The following KRT6B variants were observed in gnomAD, a reference collection of about 807,000 sequenced individuals.
KRT6B encodes the protein keratin, type II cytoskeletal 6B.
KRT6B carries 29 observed loss-of-function variants against 44.7 expected under a neutral mutation model. The ratio of observed to expected loss-of-function variants is 0.65; its 90% confidence interval spans 0.48 to 0.88. The LOEUF (loss-of-function observed/expected upper bound fraction) is 0.88. Ranked by LOEUF, KRT6B falls within the 40% of genes least tolerant of loss-of-function variation. The pLI, the probability that KRT6B is intolerant of heterozygous loss-of-function variation, is 0.00. For synonymous variants in KRT6B, 213 were observed against 296.0 expected (o/e 0.72, Z 2.88); for missense variants, 600 against 724.0 (o/e 0.83, Z 1.97).
In KRT6B at chr12:52,447,374, C is replaced by A. The variant is rs1365961232; in HGVS notation, c.1511G>T (p.Gly504Val). The change falls in exon 9 of 9, where the codon GGC becomes GTC. Residue 504 changes from glycine (G) to valine (V), a missense_variant. Coordinates refer to ENST00000252252, the MANE Select transcript of KRT6B (RefSeq NM_005555.4). The stretch of plus-strand genomic sequence containing the variant: ...TCCTCCACCCAGGCCTAAGCCACTG[C>A]CGACACCGCTGGCACCGCCATAGCC... ...SSGYGGASGV[G>V]SGLGLGGGSS... 1.2e-6 allele frequency: 2 copies of A among 1,614,024 alleles called. No individual in the cohort carries two copies. Among genetic ancestry groups the A allele is most frequent in the Non-Finnish European group, 8.5e-7 (1 of 1,179,886 alleles).
At chr12:52,447,474 C>A (rs1460465574) in intron 8 of KRT6B, 49 bp from the exon 9 acceptor site, 6 of 1,613,926 alleles carry the variant, frequency 3.7e-6, no homozygotes, top group Non-Finnish European at 5.1e-6. Flanking sequence ...TGAGTTCATC[C>A]TGCCGGCCTG....
intron 2 of KRT6B, 100 bp from the exon 3 acceptor site, chr12:52,450,172 A>G (rs1192826943): frequency 6.2e-7 from 1 of 1,606,420 alleles, no homozygotes; most frequent in Non-Finnish European, 8.5e-7. Context: ...ATATATTCTA[A>G]TTGAGCTTTC....
At position 52,447,717 on chromosome 12, in the gene KRT6B, C is replaced by T. The variant is rs1171602587; in HGVS notation, c.1424+61G>A. ...TTGGGCAGTGCACCTTAAAGTTGTG[C>T]TCAGTGCCAGAACCTTGAAGATGGA... On this transcript the variant is annotated intron_variant, in intron 7 of 8. Transcript: ENST00000252252. 5.0e-6 allele frequency: 8 copies of T among 1,614,018 alleles called. No individual in the cohort carries two copies. The African/African-American group carries it at 8.0e-5, about 16-fold the overall frequency.
intron 1 of KRT6B, 57 bp downstream of exon 1, chr12:52,451,482 T>C: frequency 6.2e-7 from 1 of 1,613,240 alleles, no homozygotes; most frequent in Non-Finnish European, 8.5e-7. Context: ...AGGAAGGTGT[T>C]GCTCTTCTGG....
intron 2 of KRT6B, 48 bp downstream of exon 2, chr12:52,450,358 G>A (rs765387242): frequency 5.0e-6 from 8 of 1,598,644 alleles, no homozygotes; most frequent in Non-Finnish European, 6.9e-6. Flanking sequence ...TCTGGCCCTG[G>A]TCACCCAATA....
At chr12:52,448,630 G>T (rs1197581745) in intron 6 of KRT6B, among the ~76,000 whole-genome samples, 1 of 152,124 alleles carries the variant, frequency 6.6e-6, no homozygotes, top group Non-Finnish European at 1.5e-5. Context: ...TTGACCAGCT[G>T]AGAGTGCTTC....
Position 52,448,936 on chromosome 12 carries a change from T to G in KRT6B, c.1109A>C (p.His370Pro), listed in dbSNP as rs748925772. 1.2e-6 allele frequency: 2 copies of G among 1,613,734 alleles called. No individual in the cohort carries two copies. The highest frequency in any genetic ancestry group is 1.1e-5 in the South Asian group (1 of 91,028). ...CTTGGTGTTGCGCAGGTCGTCCCCA[T>G]GTCTGCCTGCTGTGATCTGCAGCTC... ...YEELQITAGR[H>P]GDDLRNTKQE... is the part of the protein sequence containing the mutation. The change falls in exon 6 of 9, where the codon CAT (histidine) becomes CCT (proline). Residue 370 changes from histidine (H) to proline (P), a missense_variant. By Grantham distance (77) the His-to-Pro change is moderately conservative. This residue lies in a region of KRT6B where 479 missense variants were observed against 454.2 expected (regional missense o/e 1.05). Coordinates refer to ENST00000252252, the MANE Select transcript of KRT6B (RefSeq NM_005555.4).
At position 52,451,974 on chromosome 12, in the gene KRT6B, G is replaced by T. The variant is rs769979285; in HGVS notation, c.105C>A (p.Ser35Arg). The change falls in exon 1 of 9, where the codon AGC becomes AGA. Residue 35 changes from serine (S) to arginine (R), a missense_variant. Physicochemically the swap from Ser to Arg is moderately radical, Grantham distance 110. This residue lies in a region of KRT6B where 78 missense variants were observed against 97.5 expected (regional missense o/e 0.80). Transcript: ENST00000252252. ...LPGVSRSGFS[S>R]ISVSRSRGSG... The stretch of plus-strand genomic sequence containing the variant: ...TGCCCCTGGAGCGGGACACGGAGAT[G>T]CTGCTGAAGCCAGAGCGGCTGACCC... 4 of 1,613,712 alleles carry T rather than the reference G, an allele frequency of 2.5e-6. No individual in the cohort carries two copies. The highest frequency in any genetic ancestry group is 3.3e-5 in the Admixed American group (2 of 60,034).
In KRT6B at chr12:52,449,765, T is replaced by A; in HGVS notation, c.905A>T (p.Tyr302Phe). 6.2e-7 allele frequency: 1 copy of A among 1,614,032 alleles called. No homozygotes were observed. Among genetic ancestry groups the A allele is most frequent in the Non-Finnish European group, 8.5e-7 (1 of 1,179,916 alleles). The change falls in exon 4 of 9, where the codon TAT (tyrosine) becomes TTT (phenylalanine). Residue 302 changes from tyrosine to phenylalanine, a missense_variant. Physicochemically the swap from Tyr to Phe is conservative, Grantham distance 22. Around this residue, in one of 4 missense-constraint regions of KRT6B, gnomAD observed 479 missense variants for 454.2 expected, o/e 1.05. Coordinates refer to ENST00000252252, the MANE Select transcript of KRT6B (RefSeq NM_005555.4). ...GATGGTGGAGTTGCTTACTGCATCA[T>A]ACAAGGCTCTCAGGAAGTTGATCTC... ...TDEINFLRAL[Y>F]DAELSQMQTH... is the part of the protein sequence containing the mutation.
At chr12:52,449,970 C>G (rs1940371957) in intron 3 of KRT6B, 42 bp downstream of exon 3, 3 of 1,613,926 alleles carry the variant, frequency 1.9e-6, no homozygotes, top group Admixed American at 1.7e-5. Flanking sequence ...AGCCACTTCT[C>G]TCCTTCTAAA....
In KRT6B at chr12:52,450,484, T is replaced by C. The variant is rs1592170555; in HGVS notation, c.677A>G (p.Asp226Gly). 4 of 1,614,244 alleles carry C rather than the reference T, an allele frequency of 2.5e-6. No homozygotes were observed. The highest frequency in any genetic ancestry group is 1.7e-6 in the Non-Finnish European group (2 of 1,180,044). The stretch of plus-strand genomic sequence containing the variant: ...ACGACCCCGTTCCCCCACGATGTTG[T>C]CCAGCTGCCTCCTGAGGTTGTTGAT... ...QYINNLRRQL[D>G]NIVGERGRLD... The change falls in exon 2 of 9, where the codon GAC becomes GGC. Residue 226 changes from aspartate (D) to glycine (G), a missense_variant. Asp to Gly is a moderately conservative substitution (Grantham distance 94, BLOSUM62 -1). Around this residue, in one of 4 missense-constraint regions of KRT6B, gnomAD observed 479 missense variants for 454.2 expected, o/e 1.05. Transcript: ENST00000252252.
chr12:52,449,596 G>T lies in KRT6B; in HGVS notation c.950C>A (p.Ser317Tyr), dbSNP rs1940365174. Reference protein sequence around the residue: ...SQMQTHISDTSVVLSMDNNRN... With the variant: ...SQMQTHISDTYVVLSMDNNRN... ...GTTGTTGTCCATGGATAGCACCACGGATGTGTCTGAGATGTGGGTCTGCAT... is the reference window on the plus strand; with the variant it reads ...GTTGTTGTCCATGGATAGCACCACGTATGTGTCTGAGATGTGGGTCTGCAT... Residue 317 changes from serine (S) to tyrosine (Y), a missense_variant, in exon 5 of 9, where the codon TCC becomes TAC. This residue lies in a region of KRT6B where 479 missense variants were observed against 454.2 expected (regional missense o/e 1.05). Coordinates refer to ENST00000252252, the MANE Select transcript of KRT6B (RefSeq NM_005555.4). 3 of 1,614,216 alleles carry T rather than the reference G, an allele frequency of 1.9e-6. No homozygotes were observed. Among genetic ancestry groups the T allele is most frequent in the Non-Finnish European group, 2.5e-6 (3 of 1,180,040 alleles).
At chr12:52,450,667 G>C in intron 1 of KRT6B, 47 bp from the exon 2 acceptor site, 3 of 1,613,840 alleles carry the variant, frequency 1.9e-6, no homozygotes, top group Non-Finnish European at 2.5e-6. Context: ...GGAAGGCAGA[G>C]AAAGTGTCTG....
chr12:52,450,741 G>C (rs1940390735), intron 1 of KRT6B, 121 bp from the exon 2 acceptor site: 12 of 1,465,918 alleles, frequency 8.2e-6, no homozygotes, highest in Admixed American at 3.8e-5. Context: ...TGCATGTAGA[G>C]AGGCTCAGGC....
At position 52,446,980 on chromosome 12, in the gene KRT6B, A is replaced by T. The variant is rs1346595352; in HGVS notation, c.*210T>A. 2 of 621,688 alleles carry T rather than the reference A, an allele frequency of 3.2e-6. No homozygotes were observed. The highest frequency in any genetic ancestry group is 5.6e-6 in the Non-Finnish European group (2 of 355,402). 38.5% of individuals were successfully genotyped at this position (621,688 alleles called of 1,614,324 possible). On this transcript the variant is annotated 3_prime_UTR_variant, in exon 9 of 9. Coordinates refer to ENST00000252252, the MANE Select transcript of KRT6B (RefSeq NM_005555.4). ...TACGGGAACTAAAAAGGACATTCGC[A>T]TGTCTGAGTGCTGATAACTGTTGAC... is the stretch of plus-strand genomic sequence containing the variant.
rs867923192 is a variant in KRT6B, at chr12:52,447,412, G to A, written c.1473C>T (p.Ser491=). ...VGQVNISVVQ[S]TVSSGYGGAS... ...CACCGCCATAGCCACTGGAGACGGTGGACTGCACTACAGCTGTGGTGGGGA... is the reference window on the plus strand; with the variant it reads ...CACCGCCATAGCCACTGGAGACGGTAGACTGCACTACAGCTGTGGTGGGGA... Residue 491 remains serine, a synonymous_variant, in exon 9 of 9, where the codon TCC becomes TCT. Transcript: ENST00000252252. The A allele has an allele frequency of 6.2e-7, 1 of 1,613,966 alleles. No homozygotes were observed. The highest frequency in any genetic ancestry group is 8.5e-7 in the Non-Finnish European group (1 of 1,179,964).
At chr12:52,448,041 C>T (rs545665621) in intron 6 of KRT6B, 43 bp from the exon 7 acceptor site, 4 of 1,613,232 alleles carry the variant, frequency 2.5e-6, no homozygotes, top group Non-Finnish European at 1.7e-6. Context: ...ATCTGGTCTT[C>T]CAGAGAAGAA....
intron 6 of KRT6B, 95 bp from the exon 7 acceptor site, chr12:52,448,093 A>G: frequency 1.3e-6 from 2 of 1,497,444 alleles, no homozygotes; most frequent in Non-Finnish European, 1.8e-6. Flanking sequence ...GGCACCAGGA[A>G]CCCAGAACTG....
Position 52,450,586 on chromosome 12 carries a change from T to A in KRT6B, c.575A>T (p.Asp192Val). Residue 192 changes from aspartate (D) to valine (V), a missense_variant, in exon 2 of 9, where the codon GAC (aspartate) becomes GTC (valine). Transcript: ENST00000252252. ...RFLEQQNKVLDTKWTLLQEQG... is the reference protein window; with the variant it reads ...RFLEQQNKVLVTKWTLLQEQG... Reference sequence around the variant, plus strand: ...CTCCTGCAGCAGGGTCCACTTGGTGTCCAGAACCTTGTTCTGCTGCTCTAG... The same window carrying A: ...CTCCTGCAGCAGGGTCCACTTGGTGACCAGAACCTTGTTCTGCTGCTCTAG... 1.9e-6 allele frequency: 3 copies of A among 1,614,192 alleles called. No homozygotes were observed. The highest frequency in any genetic ancestry group is 2.5e-6 in the Non-Finnish European group (3 of 1,180,016).
Sources: gnomAD v4.1 joint callset for allele counts (sites outside exome capture counted in the v4.1 genomes callset) on GRCh38, gnomAD v4.1.1 for gene constraint, gnomAD v4.1.1 regional missense constraint, MANE v1.5 for transcripts, NCBI Gene and HGNC (gene_info 2026-07-23, HGNC 2026-07-21) for gene names.